Variants in OSTN observed in about 807,000 individuals in gnomAD.
OSTN encodes the protein osteocrin.
Under a neutral mutation model 12.0 loss-of-function variants are expected in OSTN, and 9 were observed. That is an observed-to-expected ratio of 0.75 (90% CI 0.45 to 1.30). OSTN has a LOEUF of 1.30. Ranked by LOEUF, OSTN falls within the 50% of genes most tolerant of loss-of-function variation. The probability of loss-of-function intolerance (pLI) is 0.00; values close to 1 mark genes in which losing one functional copy is unlikely to be tolerated. For synonymous variants in OSTN, 59 were observed against 56.9 expected, an observed-to-expected ratio of 1.04 and a Z score of -0.16; for missense variants, 148 against 152.3, an observed-to-expected ratio of 0.97 and a Z score of 0.15.
chr3:191,258,391 G>T (rs1715723167), intron 4 of OSTN, among the ~76,000 whole-genome samples: 2 of 152,104 alleles, frequency 1.3e-5, no homozygotes, highest in Non-Finnish European at 2.9e-5. Context: ...GCAGTTAAAA[G>T]GCAAAGCATT....
chr3:191,218,678 C>T (rs1360533517), intron 2 of OSTN, 69 bp from the exon 3 acceptor site: 32 of 1,281,424 alleles, frequency 2.5e-5, no homozygotes, highest in Non-Finnish European at 3.5e-5. Flanking sequence ...TAGCAAAAGC[C>T]AGATGCATAT....
chr3:191,221,225 G>A (rs571504976), intron 3 of OSTN, among the ~76,000 whole-genome samples: 3 of 152,210 alleles, frequency 2.0e-5, no homozygotes, highest in South Asian at 2.1e-4. Context: ...CAATTAAACC[G>A]CTTTCCTTTA....
chr3:191,205,722 A>G (rs574286354), intron 1 of OSTN, among the ~76,000 whole-genome samples: 1 of 152,240 alleles, frequency 6.6e-6, no homozygotes, highest in East Asian at 1.9e-4. Context: ...CTATCTGATA[A>G]CCAAGTTAAA....
chr3:191,218,727 C>A lies in OSTN; in HGVS notation c.103-20C>A, dbSNP rs184878937. 2 of 1,598,022 alleles carry A rather than the reference C, an allele frequency of 1.3e-6. No individual in the cohort carries two copies. Among genetic ancestry groups the A allele is most frequent in the Middle Eastern group, 1.7e-4 (1 of 6,022 alleles). The stretch of plus-strand genomic sequence containing the variant: ...GTCTCTTTGTCTAAATTAACGGAAT[C>A]GCCTTTCTCTGCCTTATAGGCCTTT... On this transcript the variant is annotated intron_variant, in intron 2 of 4. Coordinates refer to ENST00000682035, the MANE Select transcript of OSTN (RefSeq NM_198184.2).
intron 3 of OSTN, among the ~76,000 whole-genome samples, chr3:191,230,562 C>CAA (rs35542147): frequency 0.017 from 601 of 35,052 alleles, 14 homozygotes; most frequent in African/African-American, 0.025. Flanking sequence ...GACTCCGTCT[C>CAA]AAAAAAAAAA....
chr3:191,206,484 A>AT (rs1329641124), intron 1 of OSTN, among the ~76,000 whole-genome samples: 1 of 152,144 alleles, frequency 6.6e-6, no homozygotes, highest in African/African-American at 2.4e-5. Context: ...CCTAGATGCA[A>AT]TTTTTTGCAT....
chr3:191,262,488 A>G (rs1191661821), intron 4 of OSTN, among the ~76,000 whole-genome samples: 1 of 152,224 alleles, frequency 6.6e-6, no homozygotes, highest in African/African-American at 2.4e-5. Flanking sequence ...ATAAACAGAA[A>G]GTAGTATTCA....
At chr3:191,215,220 C>A (rs1576924782) in intron 2 of OSTN, among the ~76,000 whole-genome samples, 1 of 152,154 alleles carries the variant, frequency 6.6e-6, no homozygotes, top group African/African-American at 2.4e-5. Flanking sequence ...CTTGTGAGAA[C>A]TCACTATCAT....
intron 4 of OSTN, among the ~76,000 whole-genome samples, chr3:191,260,216 T>A (rs923532551): frequency 6.6e-5 from 10 of 152,038 alleles, no homozygotes; most frequent in African/African-American, 1.5e-4. Flanking sequence ...TTTTTTTTTT[T>A]AATTTAGGAA....
chr3:191,206,454 G>A (rs1337018580), intron 1 of OSTN, among the ~76,000 whole-genome samples: 1 of 152,164 alleles, frequency 6.6e-6, no homozygotes, highest in Non-Finnish European at 1.5e-5. Context: ...AAGTGAAAGA[G>A]GAAAATATTT....
chr3:191,245,484 G>A (rs1048920072), intron 3 of OSTN, among the ~76,000 whole-genome samples: 3 of 152,132 alleles, frequency 2.0e-5, no homozygotes, highest in Non-Finnish European at 4.4e-5. Context: ...AGTAAATCAA[G>A]TAGAACACAA....
chr3:191,210,797 C>T (rs1714399701), intron 1 of OSTN, among the ~76,000 whole-genome samples: 1 of 152,182 alleles, frequency 6.6e-6, no homozygotes, highest in Admixed American at 6.5e-5. Context: ...TTGCCATGTA[C>T]TAAGTGGCAA....
At chr3:191,259,207 T>TTTC (rs1159874743) in intron 4 of OSTN, among the ~76,000 whole-genome samples, 1 of 151,850 alleles carries the variant, frequency 6.6e-6, no homozygotes, top group Non-Finnish European at 1.5e-5. Flanking sequence ...TCTGTTTTTT[T>TTTC]TTTTTGAGAC....
intron 3 of OSTN, among the ~76,000 whole-genome samples, chr3:191,225,639 C>A (rs1314228717): frequency 6.6e-6 from 1 of 152,104 alleles, no homozygotes; most frequent in Non-Finnish European, 1.5e-5. Context: ...GAATACTACA[C>A]AGCCATAAAA....
At position 191,264,673 on chromosome 3, in the gene OSTN, G is replaced by C. The variant is rs572363953; in HGVS notation, c.*1820G>C. The C allele has an allele frequency of 1.3e-5, 2 of 152,218 alleles. No homozygotes were observed. The highest frequency in any genetic ancestry group is 4.8e-5 in the African/African-American group (2 of 41,552). 9.4% of individuals were successfully genotyped at this position (152,218 alleles called of 1,614,324 possible). A position where few individuals can be genotyped will look rare whatever the true frequency, so the allele number is the denominator to read the frequency against. On this transcript the variant is annotated 3_prime_UTR_variant, in exon 5 of 5. Coordinates refer to ENST00000682035, the MANE Select transcript of OSTN (RefSeq NM_198184.2). ...GTCTGCCTTTCCCCAACCTTGTGATGAACTATAGAAATGTTTCCTATTGCT... is the reference window on the plus strand; with the variant it reads ...GTCTGCCTTTCCCCAACCTTGTGATCAACTATAGAAATGTTTCCTATTGCT...
chr3:191,228,956 C>G (rs1427777381), intron 3 of OSTN, among the ~76,000 whole-genome samples: 1 of 152,118 alleles, frequency 6.6e-6, no homozygotes, highest in African/African-American at 2.4e-5. Flanking sequence ...AAGAAAACAG[C>G]AAGTCATTAT....
chr3:191,256,967 G>A (rs914700622), intron 4 of OSTN, among the ~76,000 whole-genome samples: 4 of 151,896 alleles, frequency 2.6e-5, no homozygotes, highest in Non-Finnish European at 4.4e-5. Flanking sequence ...GGACCACTTT[G>A]AGCCCAGAAA....
chr3:191,237,388 C>A (rs746235372), intron 3 of OSTN, among the ~76,000 whole-genome samples: 21 of 152,132 alleles, frequency 1.4e-4, no homozygotes, highest in Non-Finnish European at 2.6e-4. Flanking sequence ...AGAAGAAAGA[C>A]TTTGACTGAG....
intron 3 of OSTN, among the ~76,000 whole-genome samples, chr3:191,248,912 G>A (rs535876314): frequency 6.6e-6 from 1 of 152,136 alleles, no homozygotes; most frequent in Non-Finnish European, 1.5e-5. Flanking sequence ...TCACACCATC[G>A]TACTCCAGCA....
Sources: gnomAD v4.1 joint callset for allele counts (sites outside exome capture counted in the v4.1 genomes callset) on GRCh38, gnomAD v4.1.1 for gene constraint, MANE v1.5 for transcripts, NCBI Gene and HGNC (gene_info 2026-07-23, HGNC 2026-07-21) for gene names.